Variants in RHOU observed in about 807,000 individuals in gnomAD.
RHOU encodes ras homolog family member U.
Under a neutral mutation model 12.6 loss-of-function variants are expected in RHOU, and 8 were observed. The ratio of observed to expected loss-of-function variants is 0.64; its 90% CI spans 0.37 to 1.15. The LOEUF is 1.15. Ranked by LOEUF, RHOU falls within the 50% of genes most tolerant of loss-of-function variation. The probability of loss-of-function intolerance (pLI) is 0.01; values close to 1 mark genes in which losing one functional copy is unlikely to be tolerated. For synonymous variants in RHOU, 161 were observed against 147.4 expected (o/e 1.09, Z -0.67); for missense variants, 258 against 347.0 (o/e 0.74, Z 2.04).
the RHOU span, chr1:228,687,773 G>C: frequency 2.9e-6 from 4 of 1,368,320 alleles, no homozygotes; most frequent in East Asian, 2.3e-5. Context: ...AATCTGGCTC[G>C]GCGGAATACC....
At chr1:228,658,765 T>C in the RHOU span, among the ~76,000 whole-genome samples, 27 of 152,268 alleles carry the variant, frequency 1.8e-4, no homozygotes, top group African/African-American at 5.5e-4. Flanking sequence ...CAGAGTCAAG[T>C]CCTGCAGTTG....
the RHOU span, among the ~76,000 whole-genome samples, chr1:228,728,899 C>CCTT: frequency 2.8e-5 from 4 of 141,850 alleles, no homozygotes; most frequent in Admixed American, 2.8e-4. Context: ...CTTTTCTTTT[C>CCTT]TTTTTTTTTT....
At chr1:228,731,311 T>A (rs539157912), upstream of RHOU, among the ~76,000 whole-genome samples, 1 of 152,236 alleles carries the variant, frequency 6.6e-6, no homozygotes, top group African/African-American at 2.4e-5. Flanking sequence ...GGTGTGGAGG[T>A]CTGCTTTCCT....
chr1:228,722,091 A>G, the RHOU span, among the ~76,000 whole-genome samples: 1 of 152,172 alleles, frequency 6.6e-6, no homozygotes, highest in Non-Finnish European at 1.5e-5. Flanking sequence ...CAGATTTTTT[A>G]CTGGCCACAC....
chr1:228,650,684 G>A, the RHOU span: 2 of 485,568 alleles, frequency 4.1e-6, no homozygotes, highest in South Asian at 1.5e-5. Flanking sequence ...AAGTGAGAGA[G>A]CTCTCATCAG....
chr1:228,654,441 T>C, the RHOU span, among the ~76,000 whole-genome samples: 1,583 of 152,286 alleles, frequency 0.01, 33 homozygotes, highest in African/African-American at 0.035. Context: ...TCATAGTTGA[T>C]GTATGGGCCA....
the RHOU span, among the ~76,000 whole-genome samples, chr1:228,705,622 G>A: frequency 3.3e-5 from 5 of 152,166 alleles, no homozygotes; most frequent in Non-Finnish European, 7.3e-5. Context: ...TTTACTGCCA[G>A]TTTCTGCCTG....
chr1:228,724,362 A>G, the RHOU span, among the ~76,000 whole-genome samples: 1 of 152,200 alleles, frequency 6.6e-6, no homozygotes, highest in East Asian at 1.9e-4. Flanking sequence ...AAAAAATCCT[A>G]TCTATTTATA....
chr1:228,647,445 C>G, the RHOU span, among the ~76,000 whole-genome samples: 14 of 152,214 alleles, frequency 9.2e-5, no homozygotes, highest in African/African-American at 2.7e-4. Flanking sequence ...CAATAGGAAT[C>G]CGGGTGCACA....
At chr1:228,722,979 G>T in the RHOU span, among the ~76,000 whole-genome samples, 381 of 152,220 alleles carry the variant, frequency 2.5e-3, 1 homozygote, top group African/African-American at 8.9e-3. Flanking sequence ...ATCATGCTGC[G>T]TCTACCTTAA....
chr1:228,658,138 G>C, the RHOU span, among the ~76,000 whole-genome samples: 1 of 151,906 alleles, frequency 6.6e-6, no homozygotes. Context: ...AAATTAGGTG[G>C]GCATGGTGGT....
the RHOU span, among the ~76,000 whole-genome samples, chr1:228,712,798 C>T: frequency 7.7e-3 from 1,136 of 147,680 alleles, 22 homozygotes; most frequent in African/African-American, 0.027. Flanking sequence ...TACCCTAAAA[C>T]TTAAAGTATA....
chr1:228,650,750 G>A, the RHOU span: 3 of 445,258 alleles, frequency 6.7e-6, no homozygotes, highest in Non-Finnish European at 1.3e-5. Flanking sequence ...TTATGATCAG[G>A]GTGGTCCAGT....
chr1:228,718,833 T>C, the RHOU span, among the ~76,000 whole-genome samples: 1 of 152,270 alleles, frequency 6.6e-6, no homozygotes. Flanking sequence ...GAATGTCCAC[T>C]GCGGGTGACC....
chr1:228,682,284 G>A, the RHOU span, among the ~76,000 whole-genome samples: 297 of 152,336 alleles, frequency 1.9e-3, no homozygotes, highest in Non-Finnish European at 2.8e-3. Flanking sequence ...ATCTCTTCAC[G>A]GAGTGAGGGT....
At chr1:228,670,332 G>T in the RHOU span, among the ~76,000 whole-genome samples, 9 of 152,210 alleles carry the variant, frequency 5.9e-5, no homozygotes, top group Non-Finnish European at 1.2e-4. Flanking sequence ...TAGATTAGGG[G>T]CCTCTTCGCT....
At chr1:228,692,256 G>A in the RHOU span, among the ~76,000 whole-genome samples, 1 of 152,164 alleles carries the variant, frequency 6.6e-6, no homozygotes, top group Non-Finnish European at 1.5e-5. Flanking sequence ...TCCAATGTGT[G>A]TTTTAATGAA....
chr1:228,712,961 C>CTA, the RHOU span, among the ~76,000 whole-genome samples: 9 of 151,198 alleles, frequency 6.0e-5, no homozygotes, highest in African/African-American at 1.9e-4. Context: ...CTGAGTCTGA[C>CTA]TATATATATA....
chr1:228,648,060 A>C, the RHOU span: 1 of 152,188 alleles, frequency 6.6e-6, no homozygotes, highest in Non-Finnish European at 1.5e-5. Flanking sequence ...TCTGCCCCAA[A>C]GGCGCGGCTC....
Sources: gnomAD v4.1 joint callset for allele counts (sites outside exome capture counted in the v4.1 genomes callset) on GRCh38, gnomAD v4.1.1 for gene constraint, MANE v1.5 for transcripts, NCBI Gene and HGNC (gene_info 2026-07-23, HGNC 2026-07-21) for gene names.